The following OXCT1 variants were observed in gnomAD, a reference collection of about 807,000 sequenced individuals.
OXCT1 encodes the protein succinyl-CoA:3-ketoacid coenzyme A transferase 1, mitochondrial.
OXCT1 carries 27 observed loss-of-function variants against 69.6 expected under a neutral mutation model. The ratio of observed to expected loss-of-function variants is 0.39; its 90% CI spans 0.29 to 0.54. The LOEUF (loss-of-function observed/expected upper bound fraction) is 0.54. OXCT1 is among the 20% of genes least tolerant of loss of function. The pLI, the probability that OXCT1 is intolerant of heterozygous loss-of-function variation, is 0.72. For synonymous variants in OXCT1, 202 were observed against 217.8 expected (o/e 0.93, Z 0.64); for missense variants, 437 against 650.2 (o/e 0.67, Z 3.57).
intron 7 of OXCT1, among the ~76,000 whole-genome samples, chr5:41,812,812 C>G (rs969195172): frequency 6.6e-6 from 1 of 151,990 alleles, no homozygotes; most frequent in African/African-American, 2.4e-5. Flanking sequence ...TGTACTAATA[C>G]TAGGCTGTAG....
chr5:41,760,185 A>G (rs1200622757), intron 14 of OXCT1, among the ~76,000 whole-genome samples: 1 of 148,770 alleles, frequency 6.7e-6, no homozygotes, highest in Non-Finnish European at 1.5e-5. Flanking sequence ...TAGCAGCTAC[A>G]TATTCGAGAG....
chr5:41,842,625 AT>A, intron 6 of OXCT1, 49 bp downstream of exon 6: 1 of 1,267,336 alleles, frequency 7.9e-7, no homozygotes. Context: ...TCTGATGTCC[AT>A]TTTTAGAGTT....
chr5:41,755,076 T>C (rs951023488), intron 14 of OXCT1, among the ~76,000 whole-genome samples: 1 of 152,100 alleles, frequency 6.6e-6, no homozygotes, highest in Admixed American at 6.6e-5. Context: ...CAGCAGGAAT[T>C]ACTTTCTCTT....
chr5:41,738,398 G>A (rs533813006), intron 16 of OXCT1, among the ~76,000 whole-genome samples: 23 of 152,242 alleles, frequency 1.5e-4, no homozygotes, highest in African/African-American at 4.6e-4. Flanking sequence ...TTCACATGCT[G>A]TTCTTGTGAT....
intron 9 of OXCT1, among the ~76,000 whole-genome samples, chr5:41,803,420 A>C (rs1017648944): frequency 3.9e-5 from 6 of 152,098 alleles, no homozygotes; most frequent in African/African-American, 1.4e-4. Context: ...GTCACATTTT[A>C]ACAAAAATGT....
intron 8 of OXCT1, among the ~76,000 whole-genome samples, chr5:41,806,239 T>C (rs564145187): frequency 6.6e-6 from 1 of 152,176 alleles, no homozygotes; most frequent in Non-Finnish European, 1.5e-5. Context: ...AAAAGTCTCA[T>C]CCTTTCTTCC....
chr5:41,758,692 G>A (rs906646033), intron 14 of OXCT1, among the ~76,000 whole-genome samples: 3 of 152,194 alleles, frequency 2.0e-5, no homozygotes, highest in Non-Finnish European at 4.4e-5. Flanking sequence ...ACAAGTGGTG[G>A]AGGCAGCTCT....
chr5:41,745,928 C>T (rs188995238), intron 15 of OXCT1, among the ~76,000 whole-genome samples: 334 of 152,022 alleles, frequency 2.2e-3, no homozygotes, highest in African/African-American at 7.5e-3. Context: ...AACCAAAAAA[C>T]GTCCAGGACC....
At chr5:41,862,887 T>C in intron 1 of OXCT1, 137 bp from the exon 2 acceptor site, 1 of 632,652 alleles carries the variant, frequency 1.6e-6, no homozygotes, top group Non-Finnish European at 2.9e-6. Flanking sequence ...AATTGCCAGG[T>C]AATAACTGTA....
In OXCT1 at chr5:41,850,104, G is replaced by A; in HGVS notation, c.490C>T (p.Leu164=). ...AFYTPTGYGT[L]VQEGGSPIKY... ...ATGGGCGATCCTCCTTCTTGTACCA[G>A]GGTCCCATACCCTGTTGGGGTGTAA... The change falls in exon 5 of 17, where the codon CTG becomes TTG. Residue 164 remains leucine, a synonymous_variant. Coordinates refer to ENST00000196371, the MANE Select transcript of OXCT1 (RefSeq NM_000436.4). 6.2e-7 allele frequency: 1 copy of A among 1,613,900 alleles called. No individual in the cohort carries two copies. Among genetic ancestry groups the A allele is most frequent in the Non-Finnish European group, 8.5e-7 (1 of 1,179,882 alleles).
rs1038598366 is a variant in OXCT1, at chr5:41,759,107, A to G, written c.1338+3004T>C. On this transcript the variant is annotated intron_variant, in intron 14 of 16. Transcript: ENST00000196371. ...GGGAAAATGAAAAAAAAAAAAAAAA[A>G]CCTGAAGCTTCCTGAAAGGGCAGAT... 2.6e-5 allele frequency among the ~76,000 whole-genome samples: 4 copies of G among 151,480 alleles called. No individual in the cohort carries two copies. The East Asian group carries it at 7.8e-4, about 29-fold the overall frequency.
At chr5:41,754,371 AT>A (rs1743957645) in intron 14 of OXCT1, among the ~76,000 whole-genome samples, 1 of 152,074 alleles carries the variant, frequency 6.6e-6, no homozygotes, top group Non-Finnish European at 1.5e-5. Context: ...GAAATGCTGT[AT>A]TACAAAATAC....
intron 7 of OXCT1, among the ~76,000 whole-genome samples, chr5:41,822,301 T>C: frequency 6.6e-6 from 1 of 152,000 alleles, no homozygotes; most frequent in Non-Finnish European, 1.5e-5. Flanking sequence ...TCTGCGGTAG[T>C]GGTTTGGGGG....
At chr5:41,755,938 C>T (rs1176586305) in intron 14 of OXCT1, among the ~76,000 whole-genome samples, 1 of 151,968 alleles carries the variant, frequency 6.6e-6, no homozygotes, top group East Asian at 1.9e-4. Context: ...TTCTGATGGG[C>T]AGATGAGTAT....
At chr5:41,840,223 T>C (rs1454249863) in intron 7 of OXCT1, among the ~76,000 whole-genome samples, 2 of 152,216 alleles carry the variant, frequency 1.3e-5, no homozygotes, top group Non-Finnish European at 2.9e-5. Flanking sequence ...GTCCCATTGC[T>C]TGATTCCCAA....
intron 14 of OXCT1, among the ~76,000 whole-genome samples, chr5:41,753,074 T>C (rs1478667157): frequency 6.6e-6 from 1 of 152,116 alleles, no homozygotes; most frequent in Non-Finnish European, 1.5e-5. Context: ...AATAAATCCC[T>C]TTGCTATCAT....
intron 7 of OXCT1, among the ~76,000 whole-genome samples, chr5:41,834,008 CAA>C (rs796202572): frequency 7.5e-6 from 1 of 132,520 alleles, no homozygotes; most frequent in African/African-American, 2.8e-5. Context: ...AATTCCGTCT[CAA>C]AAAAAAAAAA....
chr5:41,770,821 A>C (rs993623948), intron 13 of OXCT1, among the ~76,000 whole-genome samples: 2 of 152,188 alleles, frequency 1.3e-5, no homozygotes, highest in Non-Finnish European at 2.9e-5. Context: ...TTTTATGATA[A>C]TTGTATACAT....
At chr5:41,752,868 C>T (rs577127043) in intron 14 of OXCT1, among the ~76,000 whole-genome samples, 15 of 152,236 alleles carry the variant, frequency 9.9e-5, no homozygotes, top group East Asian at 1.9e-4. Flanking sequence ...CCTGCATCAG[C>T]TTCCCTAATC....
Sources: gnomAD v4.1 joint callset for allele counts (sites outside exome capture counted in the v4.1 genomes callset) on GRCh38, gnomAD v4.1.1 for gene constraint, MANE v1.5 for transcripts, NCBI Gene and HGNC (gene_info 2026-07-23, HGNC 2026-07-21) for gene names.